DSCAML1: variants seen among roughly 807,000 people sequenced by gnomAD.
DSCAML1 encodes the protein cell adhesion molecule DSCAML1.
Under a neutral mutation model 200.5 loss-of-function variants are expected in DSCAML1, and 38 were observed. That is an observed-to-expected ratio of 0.19 (90% CI 0.15 to 0.25). The LOEUF is 0.25. DSCAML1 is among the 10% of genes least tolerant of loss of function. The pLI, the probability that DSCAML1 is intolerant of heterozygous loss-of-function variation, is 1.00. For missense variants in DSCAML1, 2,223 were observed against 2,858.8 expected (o/e 0.78, Z 5.07); for synonymous variants, 1,215 against 1,165.0 (o/e 1.04, Z -0.87).
intron 3 of DSCAML1, among the ~76,000 whole-genome samples, chr11:117,664,749 T>C (rs763763605): frequency 1.4e-4 from 21 of 152,140 alleles, no homozygotes; most frequent in Admixed American, 9.8e-4. Context: ...CTAATGACAA[T>C]ACATGGGGAG....
intron 3 of DSCAML1, among the ~76,000 whole-genome samples, chr11:117,690,456 A>G (rs757824258): frequency 2.0e-5 from 3 of 152,228 alleles, no homozygotes; most frequent in Non-Finnish European, 4.4e-5. Flanking sequence ...GGGCCTTTCA[A>G]CATCAGTCGC....
chr11:117,607,733 T>A (rs1565822704), intron 3 of DSCAML1, among the ~76,000 whole-genome samples: 1 of 152,174 alleles, frequency 6.6e-6, no homozygotes, highest in Non-Finnish European at 1.5e-5. Flanking sequence ...GCAGTACAGA[T>A]GGTGAGGGCA....
intron 3 of DSCAML1, among the ~76,000 whole-genome samples, chr11:117,707,769 G>A (rs2053781106): frequency 6.6e-6 from 1 of 152,046 alleles, no homozygotes; most frequent in Non-Finnish European, 1.5e-5. Context: ...TCCTCACCTC[G>A]TGATCCACCG....
intron 3 of DSCAML1, among the ~76,000 whole-genome samples, chr11:117,684,885 G>T (rs2053378979): frequency 6.6e-6 from 1 of 152,240 alleles, no homozygotes; most frequent in African/African-American, 2.4e-5. Context: ...ACAGAGGGAG[G>T]AAGGTTCCAA....
In DSCAML1 at chr11:117,720,431, C is replaced by T. The variant is rs918441380; in HGVS notation, c.511+56360G>A. On this transcript the variant is annotated intron_variant, in intron 3 of 32. Transcript: ENST00000651296. ...AAGTGGGGCTGGGAGGGGAGGGAGC[C>T]GAGGGCTGAATCATGAGAGGCGAGC... 7.2e-5 allele frequency among the ~76,000 whole-genome samples: 11 copies of T among 151,826 alleles called. 1 individual carries two copies. The highest frequency in any genetic ancestry group is 6.4e-3 in the Middle Eastern group (2 of 314).
intron 3 of DSCAML1, among the ~76,000 whole-genome samples, chr11:117,553,560 C>T (rs2050505317): frequency 6.6e-6 from 1 of 152,176 alleles, no homozygotes; most frequent in African/African-American, 2.4e-5. Flanking sequence ...AATGAAAAAT[C>T]AAAACCGCAT....
At chr11:117,782,124 G>A (rs1017511413) in intron 1 of DSCAML1, among the ~76,000 whole-genome samples, 1 of 152,148 alleles carries the variant, frequency 6.6e-6, no homozygotes, top group Non-Finnish European at 1.5e-5. Context: ...AACGTTGCAG[G>A]GGACCCAACT....
intron 3 of DSCAML1, among the ~76,000 whole-genome samples, chr11:117,588,621 A>G (rs2051198303): frequency 6.6e-6 from 1 of 151,862 alleles, no homozygotes; most frequent in Non-Finnish European, 1.5e-5. Flanking sequence ...GGGCCACCAC[A>G]CTCTGCTGCT....
At chr11:117,811,935 T>C (rs761108421) in intron 1 of DSCAML1, among the ~76,000 whole-genome samples, 7 of 152,334 alleles carry the variant, frequency 4.6e-5, no homozygotes, top group Non-Finnish European at 8.8e-5. Context: ...ACAGCCAGAC[T>C]TCTAAACCTC....
At chr11:117,632,294 C>T (rs973329877) in intron 3 of DSCAML1, among the ~76,000 whole-genome samples, 2 of 152,132 alleles carry the variant, frequency 1.3e-5, no homozygotes, top group African/African-American at 2.4e-5. Flanking sequence ...CACCACTTCT[C>T]GAGAGAGGCC....
rs1258954607 is a variant in DSCAML1, at chr11:117,636,867, T to C, written c.512-104345A>G. 2.6e-5 allele frequency among the ~76,000 whole-genome samples: 4 copies of C among 152,326 alleles called. No individual in the cohort carries two copies. The East Asian group carries it at 7.7e-4, about 29-fold the overall frequency. On this transcript the variant is annotated intron_variant, in intron 3 of 32. Transcript: ENST00000651296. ...GGTACAGTGCCTAAGTAGTAGTCAG[T>C]AAATAAATGGGAGCTATTATTGTTA...
At chr11:117,650,517 A>C (rs1204429031) in intron 3 of DSCAML1, among the ~76,000 whole-genome samples, 2 of 152,194 alleles carry the variant, frequency 1.3e-5, no homozygotes, top group Admixed American at 1.3e-4. Flanking sequence ...GAAAGTCAGA[A>C]GAGATCACAC....
At chr11:117,570,979 G>A (rs1378447243) in intron 3 of DSCAML1, among the ~76,000 whole-genome samples, 6 of 152,274 alleles carry the variant, frequency 3.9e-5, no homozygotes, top group South Asian at 2.1e-4. Flanking sequence ...CATGGCAGCT[G>A]AGGGTAGATG....
intron 3 of DSCAML1, among the ~76,000 whole-genome samples, chr11:117,658,947 C>G (rs1016500894): frequency 6.6e-6 from 1 of 152,210 alleles, no homozygotes; most frequent in African/African-American, 2.4e-5. Flanking sequence ...TGCCTACCCT[C>G]AGCCTGGGTG....
At chr11:117,686,225 A>G (rs1483638518) in intron 3 of DSCAML1, among the ~76,000 whole-genome samples, 1 of 152,204 alleles carries the variant, frequency 6.6e-6, no homozygotes, top group Non-Finnish European at 1.5e-5. Flanking sequence ...CCCTTAGCTT[A>G]GAGTTTAGTA....
At position 117,439,822 on chromosome 11, in the gene DSCAML1, T is replaced by A. The variant is rs1338251413; in HGVS notation, c.3977A>T (p.Asp1326Val). Reference sequence around the variant, plus strand: ...CCTCCACTGTCCCGACACACACCTGTCCTTGGTCCACTTCACAGCAGGGGC... The same window carrying A: ...CCTCCACTGTCCCGACACACACCTGACCTTGGTCCACTTCACAGCAGGGGC... ...DPAPAVKWTKDSEDSAIPVSM... is the reference protein window; with the variant it reads ...DPAPAVKWTKVSEDSAIPVSM... The change falls in exon 22 of 33, where the codon GAC becomes GTC. Residue 1326 changes from aspartate (D) to valine (V), a missense_variant. Coordinates refer to ENST00000651296, the MANE Select transcript of DSCAML1 (RefSeq NM_020693.4). The A allele has an allele frequency of 6.2e-7, 1 of 1,613,754 alleles. No individual in the cohort carries two copies. Among genetic ancestry groups the A allele is most frequent in the Non-Finnish European group, 8.5e-7 (1 of 1,179,692 alleles).
At chr11:117,771,423 C>T (rs1158817670) in intron 3 of DSCAML1, among the ~76,000 whole-genome samples, 1 of 152,180 alleles carries the variant, frequency 6.6e-6, no homozygotes, top group Non-Finnish European at 1.5e-5. Context: ...ATGGCTGTTT[C>T]GTTCACTGGT....
intron 3 of DSCAML1, among the ~76,000 whole-genome samples, chr11:117,736,159 G>A (rs935967971): frequency 6.6e-5 from 10 of 152,204 alleles, no homozygotes; most frequent in African/African-American, 2.4e-4. Flanking sequence ...GCTGAGTTAG[G>A]TGACTCTGGT....
intron 3 of DSCAML1, among the ~76,000 whole-genome samples, chr11:117,567,534 G>A (rs1380763046): frequency 6.6e-6 from 1 of 152,118 alleles, no homozygotes; most frequent in Non-Finnish European, 1.5e-5. Context: ...TAGGTTGCCT[G>A]TTCACTCTGA....
Sources: gnomAD v4.1 joint callset for allele counts (sites outside exome capture counted in the v4.1 genomes callset) on GRCh38, gnomAD v4.1.1 for gene constraint, MANE v1.5 for transcripts, NCBI Gene and HGNC (gene_info 2026-07-23, HGNC 2026-07-21) for gene names.